The following NFAT5 variants were observed in gnomAD, a reference collection of about 807,000 sequenced individuals.
NFAT5 encodes nuclear factor of activated T-cells 5.
A neutral mutation model predicts 166.5 loss-of-function variants in NFAT5; 31 were observed. The ratio of observed to expected loss-of-function variants is 0.19; its 90% confidence interval spans 0.14 to 0.25. The LOEUF (loss-of-function observed/expected upper bound fraction) is 0.25, where lower values mean the gene tolerates loss of function less well. NFAT5 is among the 10% of genes least tolerant of loss of function. The pLI, the probability that NFAT5 is intolerant of heterozygous loss-of-function variation, is 1.00. For missense variants in NFAT5, 1,449 were observed against 1,821.8 expected, an observed-to-expected ratio of 0.80 and a Z score of 3.72; for synonymous variants, 612 against 639.7, an observed-to-expected ratio of 0.96 and a Z score of 0.65.
In NFAT5 at chr16:69,565,982, C is replaced by CGGCGGCGGT. The variant is rs1355849638; in HGVS notation, c.-312_-304dup. On this transcript the variant is annotated 5_prime_UTR_variant, in exon 1 of 15. Coordinates refer to ENST00000349945, the MANE Select transcript of NFAT5 (RefSeq NM_138713.4). ...GCGGGGCTCAGATTCCTGTCAGCGG[C>CGGCGGCGGT]GGCGGCGGTGGCGGCGACCGTCAGT... 3.1e-6 allele frequency: 1 copy of CGGCGGCGGT among 317,846 alleles called. No homozygotes were observed. Among genetic ancestry groups the CGGCGGCGGT allele is most frequent in the Non-Finnish European group, 5.8e-6 (1 of 172,780 alleles). 19.7% of individuals were successfully genotyped at this position (317,846 alleles called of 1,614,324 possible). A position where few individuals can be genotyped will look rare whatever the true frequency, so the allele number is the denominator to read the frequency against.
chr16:69,697,939 C>CTTTTTTT lies in NFAT5; in HGVS notation c.*1599_*1605dup, dbSNP rs199818366. The CTTTTTTT allele has an allele frequency of 3.8e-5, 5 of 131,448 alleles. No homozygotes were observed. The highest frequency in any genetic ancestry group is 5.7e-5 in the African/African-American group (2 of 35,344). The allele number at this position is 131,448 out of a possible 1,614,324, so 8.1% of individuals were successfully genotyped here. On this transcript the variant is annotated 3_prime_UTR_variant, in exon 15 of 15. Transcript: ENST00000349945. ...AATTGTTGAAGGCTACTTTTCTGTT[C>CTTTTTTT]TTTTTTTTTTTTTTTTTCTATCCTG...
chr16:69,585,704 C>T (rs527458447), intron 2 of NFAT5, among the ~76,000 whole-genome samples: 26 of 152,202 alleles, frequency 1.7e-4, no homozygotes, highest in African/African-American at 2.4e-4. Flanking sequence ...TGAAAACATA[C>T]GCAAAGTGAA....
At chr16:69,616,422 T>C (rs2033947535) in intron 2 of NFAT5, among the ~76,000 whole-genome samples, 1 of 152,072 alleles carries the variant, frequency 6.6e-6, no homozygotes, top group South Asian at 2.1e-4. Flanking sequence ...CACCCTTCTC[T>C]GGCTCTGGCA....
chr16:69,672,294 AG>A (rs1200328547), intron 9 of NFAT5, among the ~76,000 whole-genome samples: 1 of 152,238 alleles, frequency 6.6e-6, no homozygotes, highest in Non-Finnish European at 1.5e-5. Flanking sequence ...TAGTCAGACT[AG>A]TCTTAATTGA....
chr16:69,584,983 A>G (rs572601886), intron 2 of NFAT5, among the ~76,000 whole-genome samples: 1 of 152,170 alleles, frequency 6.6e-6, no homozygotes, highest in East Asian at 1.9e-4. Flanking sequence ...CTGTCAAAAC[A>G]GAGTAGAATT....
At chr16:69,670,338 T>A in intron 9 of NFAT5, 50 bp downstream of exon 9, 1 of 1,185,280 alleles carries the variant, frequency 8.4e-7, no homozygotes, top group Non-Finnish European at 1.2e-6. Context: ...TCTGAGCAAT[T>A]CAGTTTTGTT....
intron 3 of NFAT5, among the ~76,000 whole-genome samples, chr16:69,643,703 A>C (rs906138772): frequency 2.6e-5 from 4 of 152,210 alleles, no homozygotes; most frequent in African/African-American, 9.6e-5. Context: ...TTGCCAGCTT[A>C]TCTTTAATGT....
chr16:69,589,092 A>G (rs1373868770), intron 2 of NFAT5, among the ~76,000 whole-genome samples: 1 of 142,800 alleles, frequency 7.0e-6, no homozygotes, highest in Non-Finnish European at 1.5e-5. Flanking sequence ...CGTCCTGGGT[A>G]CAAGTGATTC....
At chr16:69,608,456 C>G (rs989357316) in intron 2 of NFAT5, among the ~76,000 whole-genome samples, 3 of 152,062 alleles carry the variant, frequency 2.0e-5, no homozygotes, top group Non-Finnish European at 4.4e-5. Flanking sequence ...ACTTAAGAAG[C>G]TTAAGAAGAC....
intron 2 of NFAT5, among the ~76,000 whole-genome samples, chr16:69,591,916 T>G (rs1223186986): frequency 1.3e-5 from 2 of 151,992 alleles, no homozygotes; most frequent in Admixed American, 1.3e-4. Flanking sequence ...GGTGACAGAA[T>G]GAGACCCTGT....
chr16:69,642,840 G>T (rs905341183), intron 3 of NFAT5, among the ~76,000 whole-genome samples: 5 of 146,492 alleles, frequency 3.4e-5, no homozygotes, highest in African/African-American at 1.3e-4. Flanking sequence ...GAAAAGAAAA[G>T]AAAAAGGAAA....
chr16:69,694,998 G>T, intron 13 of NFAT5, 138 bp from the exon 14 acceptor site: 1 of 669,184 alleles, frequency 1.5e-6, no homozygotes, highest in Non-Finnish European at 2.5e-6. Context: ...TAATATACAA[G>T]GAGAATGCAG....
chr16:69,593,980 T>C (rs2032635252), intron 2 of NFAT5, among the ~76,000 whole-genome samples: 1 of 152,212 alleles, frequency 6.6e-6, no homozygotes, highest in Non-Finnish European at 1.5e-5. Flanking sequence ...CAGGAAAATG[T>C]GCTTGTTAGT....
intron 3 of NFAT5, among the ~76,000 whole-genome samples, chr16:69,633,927 A>T (rs910162480): frequency 3.9e-5 from 6 of 152,178 alleles, no homozygotes; most frequent in African/African-American, 1.2e-4. Flanking sequence ...TCAGAACATT[A>T]TCTACCCCAT....
intron 7 of NFAT5, among the ~76,000 whole-genome samples, chr16:69,664,977 A>G (rs550478868): frequency 3.5e-4 from 53 of 152,304 alleles, no homozygotes; most frequent in Admixed American, 3.1e-3. Flanking sequence ...CGGTTAGCCA[A>G]GACTGCGCCA....
chr16:69,666,650 A>G (rs1427959279), intron 7 of NFAT5, among the ~76,000 whole-genome samples: 7 of 152,280 alleles, frequency 4.6e-5, no homozygotes, highest in Middle Eastern at 3.4e-3. Flanking sequence ...TAGAATGGCA[A>G]TCATTAAAAA....
In NFAT5 at chr16:69,654,129, A is replaced by G. The variant is rs544206640; in HGVS notation, c.1005+701A>G. On this transcript the variant is annotated intron_variant, in intron 5 of 14. Coordinates refer to ENST00000349945, the MANE Select transcript of NFAT5 (RefSeq NM_138713.4). ...GCACCTAGGATATCTTGGTATAAAG[A>G]ATATTTGTCTTTGAAGACAAACCTC... 1.4e-3 allele frequency among the ~76,000 whole-genome samples: 213 copies of G among 152,298 alleles called. 3 individuals are homozygous for G. Among genetic ancestry groups the G allele is most frequent in the African/African-American group, 5.0e-3 (206 of 41,570 alleles).
At chr16:69,600,760 G>GAAAA (rs34206965) in intron 2 of NFAT5, among the ~76,000 whole-genome samples, 22 of 101,360 alleles carry the variant, frequency 2.2e-4, no homozygotes, top group African/African-American at 6.8e-4. Context: ...GGAATACTTT[G>GAAAA]AAAAAAAAAA....
At chr16:69,578,705 G>A (rs2031463332) in intron 2 of NFAT5, among the ~76,000 whole-genome samples, 1 of 151,708 alleles carries the variant, frequency 6.6e-6, no homozygotes, top group Non-Finnish European at 1.5e-5. Flanking sequence ...CAACTTGTTG[G>A]ATTGTCATTC....
Sources: gnomAD v4.1 joint callset for allele counts (sites outside exome capture counted in the v4.1 genomes callset) on GRCh38, gnomAD v4.1.1 for gene constraint, MANE v1.5 for transcripts, NCBI Gene and HGNC (gene_info 2026-07-23, HGNC 2026-07-21) for gene names.